Variants in IGF2BP2 observed in about 807,000 individuals in gnomAD.
IGF2BP2 encodes insulin like growth factor 2 mRNA binding protein 2.
In IGF2BP2, 17 loss-of-function variants were observed where a neutral mutation model predicts 75.8. The observed-to-expected ratio is 0.22, with a 90% CI of 0.15 to 0.34. The LOEUF is 0.34. Ranked by LOEUF, IGF2BP2 falls within the 10% of genes least tolerant of loss-of-function variation. The probability of loss-of-function intolerance (pLI) is 1.00; values close to 1 mark genes in which losing one functional copy is unlikely to be tolerated. For missense variants in IGF2BP2, 516 were observed against 772.4 expected (o/e 0.67, Z 3.93); for synonymous variants, 288 against 295.6 (o/e 0.97, Z 0.26).
intron 2 of IGF2BP2, among the ~76,000 whole-genome samples, chr3:185,714,158 T>G (rs1054048999): frequency 1.3e-5 from 2 of 151,880 alleles, no homozygotes; most frequent in African/African-American, 4.8e-5. Context: ...TATGAATACA[T>G]TCCTTTTTTT....
rs1741839488 is a variant in IGF2BP2, at chr3:185,824,919, G to A, written c.42C>T (p.Val14=). 4 of 1,567,744 alleles carry A rather than the reference G, an allele frequency of 2.6e-6. No individual in the cohort carries two copies. The highest frequency in any genetic ancestry group is 1.8e-5 in the Admixed American group (1 of 55,920). The change falls in exon 1 of 16, where the codon GTC becomes GTT. Residue 14 remains valine, a synonymous_variant. Coordinates refer to ENST00000382199, the MANE Select transcript of IGF2BP2 (RefSeq NM_006548.6). ...AGAGCTGCCGGAGGTCGTCGGCGGT[G>A]ACGGCGGGGCTCAGGTTCCCGATGT... ...KLYIGNLSPA[V]TADDLRQLFG... is the part of the protein sequence containing the mutation.
intron 5 of IGF2BP2, among the ~76,000 whole-genome samples, chr3:185,691,280 T>C (rs1055549171): frequency 1.3e-5 from 2 of 151,960 alleles, no homozygotes; most frequent in African/African-American, 2.4e-5. Context: ...GTATTTTTAG[T>C]AGAGATGGGG....
intron 2 of IGF2BP2, among the ~76,000 whole-genome samples, chr3:185,698,941 A>G (rs1662130125): frequency 6.6e-6 from 1 of 152,142 alleles, no homozygotes; most frequent in Admixed American, 6.5e-5. Context: ...CAGCCTCCCA[A>G]GTAGCTGGGA....
intron 2 of IGF2BP2, among the ~76,000 whole-genome samples, chr3:185,801,006 A>T (rs1406038314): frequency 1.3e-5 from 2 of 152,008 alleles, no homozygotes; most frequent in African/African-American, 4.8e-5. Context: ...ACTTAAACAA[A>T]CTTATAAGAA....
At chr3:185,662,931 C>T (rs376809325) in intron 10 of IGF2BP2, among the ~76,000 whole-genome samples, 3 of 152,094 alleles carry the variant, frequency 2.0e-5, no homozygotes, top group African/African-American at 7.2e-5. Context: ...CCATCTGCCT[C>T]GGCCTCCCAG....
chr3:185,703,478 C>A (rs1723586462), intron 2 of IGF2BP2, among the ~76,000 whole-genome samples: 1 of 151,978 alleles, frequency 6.6e-6, no homozygotes, highest in Non-Finnish European at 1.5e-5. Flanking sequence ...TATTGAGGAA[C>A]CTCGTGAAAC....
At chr3:185,818,059 T>G (rs16860251) in intron 2 of IGF2BP2, among the ~76,000 whole-genome samples, 3,582 of 152,328 alleles carry the variant, frequency 0.024, 81 homozygotes, top group South Asian at 0.055. Flanking sequence ...AAATGTATAA[T>G]TCAACATTTT....
chr3:185,796,393 T>C (rs963552511), intron 2 of IGF2BP2, among the ~76,000 whole-genome samples: 1 of 151,528 alleles, frequency 6.6e-6, no homozygotes, highest in Non-Finnish European at 1.5e-5. Flanking sequence ...TGAAACCCTG[T>C]CTCCACTGAA....
intron 2 of IGF2BP2, among the ~76,000 whole-genome samples, chr3:185,759,994 TTTTA>T (rs1178513544): frequency 6.6e-6 from 1 of 152,230 alleles, no homozygotes; most frequent in African/African-American, 2.4e-5. Context: ...TATCATAGTA[TTTTA>T]TTTATAAATA....
At chr3:185,785,068 G>A (rs1283966146) in intron 2 of IGF2BP2, among the ~76,000 whole-genome samples, 1 of 151,988 alleles carries the variant, frequency 6.6e-6, no homozygotes, top group Non-Finnish European at 1.5e-5. Context: ...TGGGAGGCAG[G>A]GGCAGGCAGA....
chr3:185,798,158 G>A (rs1027801971), intron 2 of IGF2BP2, among the ~76,000 whole-genome samples: 2 of 152,018 alleles, frequency 1.3e-5, no homozygotes, highest in Non-Finnish European at 2.9e-5. Context: ...CTGAGATTGC[G>A]CCACTGCACT....
intron 2 of IGF2BP2, among the ~76,000 whole-genome samples, chr3:185,715,935 C>G (rs576810813): frequency 6.6e-6 from 1 of 152,230 alleles, no homozygotes; most frequent in South Asian, 2.1e-4. Flanking sequence ...TGTGAGCCAC[C>G]ACGCCCAGCC....
chr3:185,780,185 A>G (rs1221938718), intron 2 of IGF2BP2, among the ~76,000 whole-genome samples: 1 of 152,234 alleles, frequency 6.6e-6, no homozygotes, highest in Non-Finnish European at 1.5e-5. Context: ...CTGGATACAT[A>G]TACGCATATG....
At chr3:185,708,393 C>T (rs1724346062) in intron 2 of IGF2BP2, among the ~76,000 whole-genome samples, 2 of 152,122 alleles carry the variant, frequency 1.3e-5, no homozygotes, top group South Asian at 4.1e-4. Flanking sequence ...GCATCAACCG[C>T]AACGTAGAGT....
intron 4 of IGF2BP2, among the ~76,000 whole-genome samples, chr3:185,694,861 T>C (rs545673851): frequency 6.6e-6 from 1 of 152,108 alleles, no homozygotes; most frequent in Non-Finnish European, 1.5e-5. Context: ...CCAAGGTGGG[T>C]GGATCACTTG....
intron 2 of IGF2BP2, chr3:185,716,469 T>C: frequency 1.9e-6 from 1 of 519,678 alleles, no homozygotes; most frequent in South Asian, 1.4e-5. Flanking sequence ...CAGAGGTCTC[T>C]TCTTATGTCT....
At chr3:185,668,443 A>G (rs777953674) in intron 10 of IGF2BP2, among the ~76,000 whole-genome samples, 46 of 150,200 alleles carry the variant, frequency 3.1e-4, no homozygotes, top group Non-Finnish European at 5.6e-4. Context: ...AGAAAGGCTG[A>G]AGGGAAATGT....
At chr3:185,663,363 C>T (rs1311603935) in intron 10 of IGF2BP2, among the ~76,000 whole-genome samples, 1 of 152,212 alleles carries the variant, frequency 6.6e-6, no homozygotes, top group Non-Finnish European at 1.5e-5. Flanking sequence ...AACTGAGAGG[C>T]AGAGGGAGAT....
intron 2 of IGF2BP2, among the ~76,000 whole-genome samples, chr3:185,812,577 T>C (rs1443201666): frequency 6.6e-6 from 1 of 152,170 alleles, no homozygotes; most frequent in Admixed American, 6.5e-5. Flanking sequence ...TTGGGTCAAA[T>C]CAAGGAATGA....
Sources: allele counts gnomAD v4.1 joint callset (sites outside exome capture counted in the v4.1 genomes callset), GRCh38; gene constraint gnomAD v4.1.1; transcripts MANE v1.5; gene names NCBI Gene and HGNC (gene_info 2026-07-23, HGNC 2026-07-21).